Variants in HSF5 observed in about 807,000 individuals in gnomAD.
The protein encoded by HSF5 is heat shock transcription factor 5.
A neutral mutation model predicts 50.8 loss-of-function variants in HSF5; 5 were observed. The observed-to-expected ratio is 0.10, with a 90% CI of 0.05 to 0.21. The LOEUF (loss-of-function observed/expected upper bound fraction) is 0.21. Among genes scored for constraint, HSF5 ranks in the 10% least tolerant of loss-of-function variants. The pLI, the probability that HSF5 is intolerant of heterozygous loss-of-function variation, is 1.00. For missense variants in HSF5, 564 were observed against 762.6 expected, an observed-to-expected ratio of 0.74 and a Z score of 3.07; for synonymous variants, 307 against 307.4, an observed-to-expected ratio of 1.00 and a Z score of 0.02.
chr17:58,479,939 A>G lies in HSF5; in HGVS notation c.879T>C (p.Ser293=). Residue 293 remains serine, a synonymous_variant, in exon 2 of 6, where the codon AGT becomes AGC. Transcript: ENST00000323777. ...QTMVSSSQKY[S]NYTPSAQYSQ... is the part of the protein sequence containing the mutation. ...AGTACTGTGCTGAGGGTGTGTAGTT[A>G]CTGTATTTTTGGGAGGAGCTGACCA... 2 of 1,613,994 alleles carry G rather than the reference A, an allele frequency of 1.2e-6. No individual in the cohort carries two copies. Among genetic ancestry groups the G allele is most frequent in the South Asian group, 2.2e-5 (2 of 91,072 alleles).
At chr17:58,477,085 G>A (rs1016170198) in intron 2 of HSF5, 11 of 462,132 alleles carry the variant, frequency 2.4e-5, no homozygotes, top group African/African-American at 4.0e-5. Context: ...GCGGCCTGAC[G>A]ACAGGTATGG....
intron 2 of HSF5, chr17:58,476,567 A>C: frequency 6.7e-7 from 1 of 1,491,956 alleles, no homozygotes; most frequent in Non-Finnish European, 9.3e-7. Context: ...TTTTGATCAA[A>C]ATAAAAATCT....
chr17:58,437,625 C>G (rs1974443404), intron 5 of HSF5, among the ~76,000 whole-genome samples: 1 of 152,138 alleles, frequency 6.6e-6, no homozygotes. Context: ...AATTTTACAG[C>G]ATATACTTTC....
intron 2 of HSF5, chr17:58,477,032 G>C: frequency 1.8e-6 from 1 of 548,378 alleles, no homozygotes; most frequent in South Asian, 2.1e-5. Flanking sequence ...GCACACGCGC[G>C]GGCGCTTGCT....
At chr17:58,469,169 A>G (rs1974912056) in intron 2 of HSF5, among the ~76,000 whole-genome samples, 1 of 151,962 alleles carries the variant, frequency 6.6e-6, no homozygotes, top group Non-Finnish European at 1.5e-5. Context: ...CCAGAAGTAG[A>G]GAAAGACTTA....
chr17:58,475,611 C>G (rs1350448640), intron 2 of HSF5, among the ~76,000 whole-genome samples: 1 of 152,178 alleles, frequency 6.6e-6, no homozygotes, highest in Non-Finnish European at 1.5e-5. Context: ...TTAACCCCCC[C>G]AAACATCTCA....
In HSF5 at chr17:58,465,979, A is replaced by G. The variant is rs142057826; in HGVS notation, c.1020+906T>C. 6.6e-4 allele frequency among the ~76,000 whole-genome samples: 100 copies of G among 152,342 alleles called. No homozygotes were observed. In the East Asian group the frequency reaches 0.014, roughly 21 times the overall value. On this transcript the variant is annotated intron_variant, in intron 3 of 5. Transcript: ENST00000323777. ...TACCACAAGTGGAAAATTCCAGCAGAAAAGCACTTAACACAAACTTTGTTT... is the reference window on the plus strand; with the variant it reads ...TACCACAAGTGGAAAATTCCAGCAGGAAAGCACTTAACACAAACTTTGTTT...
At chr17:58,477,071 C>G (rs1481773230) in intron 2 of HSF5, 1 of 491,658 alleles carries the variant, frequency 2.0e-6, no homozygotes, top group Admixed American at 3.4e-5. Context: ...CCAGCGCTGC[C>G]CTCGCGGCCT....
chr17:58,478,683 G>A (rs1975056916), intron 2 of HSF5, among the ~76,000 whole-genome samples: 1 of 151,396 alleles, frequency 6.6e-6, no homozygotes, highest in Non-Finnish European at 1.5e-5. Flanking sequence ...CCCACATGGT[G>A]AAACCCTGTC....
At chr17:58,436,179 A>G (rs1352465328) in intron 5 of HSF5, among the ~76,000 whole-genome samples, 1 of 152,104 alleles carries the variant, frequency 6.6e-6, no homozygotes, top group Non-Finnish European at 1.5e-5. Context: ...GTTTTTAATG[A>G]GCAGTATATT....
At chr17:58,456,348 T>C (rs1399755812) in intron 5 of HSF5, among the ~76,000 whole-genome samples, 3 of 152,106 alleles carry the variant, frequency 2.0e-5, no homozygotes, top group East Asian at 1.9e-4. Context: ...TACTCATATA[T>C]GGAAGCTAAA....
chr17:58,437,065 T>C (rs113289106), intron 5 of HSF5, among the ~76,000 whole-genome samples: 1 of 152,194 alleles, frequency 6.6e-6, no homozygotes, highest in African/African-American at 2.4e-5. Flanking sequence ...CCTAGCATAA[T>C]GCTTAAAGGG....
chr17:58,467,061 G>A, intron 2 of HSF5, 82 bp from the exon 3 acceptor site: 1 of 849,128 alleles, frequency 1.2e-6, no homozygotes, highest in Admixed American at 2.3e-5. Context: ...TTTCAACATG[G>A]AAAGAAATCC....
At chr17:58,425,765 G>GTTAGTTAATTAATCCTCC (rs1974289789) in intron 5 of HSF5, among the ~76,000 whole-genome samples, 2 of 152,124 alleles carry the variant, frequency 1.3e-5, no homozygotes, top group Non-Finnish European at 2.9e-5. Context: ...TTAATCCTGA[G>GTTAGTTAATTAATCCTCC]TAGTTAGTAG....
At chr17:58,451,921 A>T (rs910597078) in intron 5 of HSF5, among the ~76,000 whole-genome samples, 13 of 149,180 alleles carry the variant, frequency 8.7e-5, no homozygotes, top group Non-Finnish European at 1.5e-4. Context: ...AAAGGTAAGC[A>T]AACTAAACAA....
Position 58,487,908 on chromosome 17 carries a change from G to A in HSF5, c.367C>T (p.Leu123=), listed in dbSNP as rs1292463125. ...NPHFRRDQPQ[L]LVHLKRLTSA... The stretch of plus-strand genomic sequence containing the variant: ...GTGAGGCGCTTGAGGTGCACGAGCA[G>A]CTGTGGCTGGTCGCGGCGGAAGTGC... Residue 123 remains leucine (L), a synonymous_variant, in exon 1 of 6, where the codon CTG becomes TTG. Coordinates refer to ENST00000323777, the MANE Select transcript of HSF5 (RefSeq NM_001080439.3). The A allele has an allele frequency of 1.2e-6, 2 of 1,610,916 alleles. No homozygotes were observed. Among genetic ancestry groups the A allele is most frequent in the Non-Finnish European group, 1.7e-6 (2 of 1,179,336 alleles).
intron 5 of HSF5, among the ~76,000 whole-genome samples, chr17:58,435,541 C>T (rs2143738133): frequency 6.6e-6 from 1 of 151,924 alleles, no homozygotes; most frequent in South Asian, 2.1e-4. Context: ...AGTGAGATTC[C>T]AGCTCAATAA....
At chr17:58,427,378 A>C (rs1332017672) in intron 5 of HSF5, among the ~76,000 whole-genome samples, 1 of 152,244 alleles carries the variant, frequency 6.6e-6, no homozygotes, top group African/African-American at 2.4e-5. Flanking sequence ...TAATTTAGTT[A>C]CGGAAGGGCA....
chr17:58,423,537 G>A (rs68100606), intron 5 of HSF5, among the ~76,000 whole-genome samples: 28,914 of 147,048 alleles, frequency 0.2, 3,010 homozygotes, highest in Non-Finnish European at 0.22. Flanking sequence ...ACCCGCGCTG[G>A]AGTGCAATCT....
Sources: gnomAD v4.1 joint callset for allele counts (sites outside exome capture counted in the v4.1 genomes callset) on GRCh38, gnomAD v4.1.1 for gene constraint, MANE v1.5 for transcripts, NCBI Gene and HGNC (gene_info 2026-07-23, HGNC 2026-07-21) for gene names.